The following GRID2 variants were observed in gnomAD, a reference collection of about 807,000 sequenced individuals.
GRID2 encodes glutamate receptor ionotropic, delta-2.
Under a neutral mutation model 114.8 loss-of-function variants are expected in GRID2, and 33 were observed. That is an observed-to-expected ratio of 0.29 (90% CI 0.22 to 0.38). The LOEUF is 0.38. Among genes scored for constraint, GRID2 ranks in the 10% least tolerant of loss-of-function variants. The pLI, the probability that GRID2 is intolerant of heterozygous loss-of-function variation, is 1.00. For missense variants in GRID2, 1,184 were observed against 1,257.7 expected (o/e 0.94, Z 0.89); for synonymous variants, 505 against 449.9 (o/e 1.12, Z -1.55).
intron 8 of GRID2, among the ~76,000 whole-genome samples, chr4:93,312,427 A>C (rs1418696784): frequency 2.0e-4 from 30 of 152,266 alleles, no homozygotes; most frequent in Non-Finnish European, 1.5e-5. Context: ...AGGGACAAAA[A>C]CTTTTGACCT....
intron 2 of GRID2, among the ~76,000 whole-genome samples, chr4:93,056,980 T>C (rs976107081): frequency 3.3e-5 from 5 of 152,010 alleles, no homozygotes; most frequent in African/African-American, 1.2e-4. Context: ...CTGGACAGAA[T>C]TTTATAAATC....
intron 2 of GRID2, among the ~76,000 whole-genome samples, chr4:92,665,089 T>A (rs1732706476): frequency 6.6e-6 from 1 of 150,876 alleles, no homozygotes; most frequent in African/African-American, 2.4e-5. Flanking sequence ...GCAAGCATTA[T>A]AAATTTTTTG....
intron 4 of GRID2, among the ~76,000 whole-genome samples, chr4:93,147,306 A>G (rs1022315211): frequency 6.6e-6 from 1 of 152,170 alleles, no homozygotes; most frequent in Non-Finnish European, 1.5e-5. Flanking sequence ...AGTGAGTTGT[A>G]GTCTTAATGC....
intron 1 of GRID2, among the ~76,000 whole-genome samples, chr4:93,793,229 G>A (rs752751329): frequency 7.2e-5 from 11 of 152,046 alleles, no homozygotes; most frequent in Non-Finnish European, 1.0e-4. Context: ...TTGGTGTTTC[G>A]ATGGATCCAC....
chr4:93,490,789 A>G lies in GRID2; in HGVS notation c.1997+12A>G, dbSNP rs867117439. ...GAAAGTTCCATCCAGTAAGTAAACA[A>G]TGTTTCCATTAGCCACAAAATATGA... On this transcript the variant is annotated intron_variant, in intron 12 of 15. Coordinates refer to ENST00000282020, the MANE Select transcript of GRID2 (RefSeq NM_001510.4). 6.3e-7 allele frequency: 1 copy of G among 1,592,744 alleles called. No individual in the cohort carries two copies. The highest frequency in any genetic ancestry group is 1.1e-5 in the South Asian group (1 of 89,884).
chr4:93,740,894 T>A (rs564869489), intron 14 of GRID2, among the ~76,000 whole-genome samples: 1 of 151,892 alleles, frequency 6.6e-6, no homozygotes, highest in Non-Finnish European at 1.5e-5. Flanking sequence ...GATCTTAACT[T>A]TTTTGAGCTT....
At chr4:93,802,391 TGTGA>T (rs1384621070) in intron 1 of GRID2, among the ~76,000 whole-genome samples, 2 of 151,780 alleles carry the variant, frequency 1.3e-5, no homozygotes, top group South Asian at 2.1e-4. Flanking sequence ...TGTGTGTGTG[TGTGA>T]GTGTGTGTGT....
chr4:92,958,683 T>A (rs972264970), intron 2 of GRID2, among the ~76,000 whole-genome samples: 2 of 152,094 alleles, frequency 1.3e-5, no homozygotes, highest in Non-Finnish European at 2.9e-5. Flanking sequence ...GCTGACTTCA[T>A]AGAATGAGTT....
At chr4:92,721,350 A>T (rs536739897) in intron 2 of GRID2, among the ~76,000 whole-genome samples, 1 of 152,152 alleles carries the variant, frequency 6.6e-6, no homozygotes, top group African/African-American at 2.4e-5. Context: ...GAAAACATCA[A>T]TGTGATTAGT....
At chr4:93,344,378 A>C (rs1044749051) in intron 8 of GRID2, among the ~76,000 whole-genome samples, 2 of 151,942 alleles carry the variant, frequency 1.3e-5, no homozygotes, top group Non-Finnish European at 2.9e-5. Flanking sequence ...GTATTTATTT[A>C]TGATTCCTCA....
intron 9 of GRID2, among the ~76,000 whole-genome samples, chr4:93,408,160 A>G (rs1034091530): frequency 2.0e-5 from 3 of 152,110 alleles, no homozygotes; most frequent in East Asian, 1.9e-4. Flanking sequence ...CACTGTTTTA[A>G]AAGTGAAGGA....
At chr4:92,500,815 C>T (rs544790325) in intron 1 of GRID2, among the ~76,000 whole-genome samples, 11 of 152,014 alleles carry the variant, frequency 7.2e-5, no homozygotes, top group Non-Finnish European at 1.0e-4. Flanking sequence ...GAAGCTCTTC[C>T]GGGGCCATAA....
intron 12 of GRID2, 83 bp from the exon 13 acceptor site, chr4:93,515,132 CT>C (rs879142020): frequency 2.3e-4 from 119 of 528,844 alleles, no homozygotes; most frequent in South Asian, 6.7e-4. Flanking sequence ...CACATATTGC[CT>C]TTTTTTTTCT....
chr4:93,504,714 C>T (rs1728457998), intron 12 of GRID2, among the ~76,000 whole-genome samples: 1 of 151,778 alleles, frequency 6.6e-6, no homozygotes, highest in Admixed American at 6.6e-5. Flanking sequence ...AGTAACCTAG[C>T]AGCATGTAAG....
intron 2 of GRID2, among the ~76,000 whole-genome samples, chr4:93,002,152 A>G (rs1008105794): frequency 6.6e-6 from 1 of 151,618 alleles, no homozygotes; most frequent in African/African-American, 2.4e-5. Flanking sequence ...AAGAGTGACT[A>G]TTTTCCTCAA....
chr4:92,696,666 T>C (rs1734438782), intron 2 of GRID2, among the ~76,000 whole-genome samples: 1 of 152,146 alleles, frequency 6.6e-6, no homozygotes, highest in East Asian at 1.9e-4. Context: ...ACAATAAATC[T>C]AATCTACCCA....
intron 7 of GRID2, among the ~76,000 whole-genome samples, chr4:93,235,769 ATTG>A (rs1296463323): frequency 6.6e-6 from 1 of 152,042 alleles, no homozygotes; most frequent in Non-Finnish European, 1.5e-5. Context: ...CCCCCAATTT[ATTG>A]TTTTCTGTAC....
intron 2 of GRID2, among the ~76,000 whole-genome samples, chr4:92,956,454 A>T (rs1017074132): frequency 1.3e-5 from 2 of 152,156 alleles, no homozygotes; most frequent in Non-Finnish European, 2.9e-5. Flanking sequence ...CTCTTCCAGA[A>T]TGTGATATAC....
At chr4:92,666,670 T>C (rs200244157) in intron 2 of GRID2, among the ~76,000 whole-genome samples, 8,278 of 133,066 alleles carry the variant, frequency 0.062, 420 homozygotes, top group East Asian at 0.16. Context: ...TTTTTTTTTT[T>C]CAGATCTTTT....
Sources: allele counts gnomAD v4.1 joint callset (sites outside exome capture counted in the v4.1 genomes callset), GRCh38; gene constraint gnomAD v4.1.1; transcripts MANE v1.5; gene names NCBI Gene and HGNC (gene_info 2026-07-23, HGNC 2026-07-21).